The following CD55 variants were observed in gnomAD, a reference collection of about 807,000 sequenced individuals.
The protein encoded by CD55 is complement decay-accelerating factor.
In CD55, 41 loss-of-function variants were observed where a neutral mutation model predicts 45.8. That is an observed-to-expected ratio of 0.90 (90% CI 0.70 to 1.16). The LOEUF (loss-of-function observed/expected upper bound fraction) is 1.16, where lower values mean the gene tolerates loss of function less well. Among genes scored for constraint, CD55 ranks in the 50% most tolerant of loss-of-function variants. CD55 has a pLI of 0.00. For synonymous variants in CD55, 181 were observed against 181.1 expected, an observed-to-expected ratio of 1.00 and a Z score of 0.01; for missense variants, 416 against 469.8, an observed-to-expected ratio of 0.89 and a Z score of 1.06.
At chr1:207,324,492 TA>T in intron 2 of CD55, 66 bp from the exon 3 acceptor site, 2 of 1,071,286 alleles carry the variant, frequency 1.9e-6, no homozygotes, top group Non-Finnish European at 1.3e-6. Context: ...TCCAGATAAT[TA>T]AATATAGATT....
rs1392540483 is a variant in CD55 at position 207,354,048 on chromosome 1, A to G, written c.1082-5498A>G. ...TTTTGAAGTGTCTGGGTCATCCCAC[A>G]TTTCTTCAAAAAAGATGATGTGCAT... On this transcript the variant is annotated intron_variant, in intron 9 of 9. Transcript: ENST00000367064. 6.5e-6 allele frequency: 10 copies of G among 1,535,456 alleles called. No homozygotes were observed. In the East Asian group the frequency reaches 1.2e-4, roughly 19 times the overall value.
At chr1:207,357,758 T>C (rs1656132375) in intron 9 of CD55, among the ~76,000 whole-genome samples, 1 of 152,252 alleles carries the variant, frequency 6.6e-6, no homozygotes, top group South Asian at 2.1e-4. Context: ...TTATCCTCGG[T>C]TGGGGGGCAG....
intron 9 of CD55, among the ~76,000 whole-genome samples, chr1:207,350,722 G>A (rs1655835098): frequency 6.6e-6 from 1 of 152,044 alleles, no homozygotes; most frequent in Admixed American, 6.6e-5. Context: ...ATCTGAGATT[G>A]TGTTTATTTG....
intron 9 of CD55, among the ~76,000 whole-genome samples, chr1:207,342,451 C>G (rs1467447365): frequency 6.6e-6 from 1 of 152,020 alleles, no homozygotes; most frequent in Non-Finnish European, 1.5e-5. Flanking sequence ...CATGTATGAC[C>G]TTTATGATGT....
At chr1:207,350,609 C>T (rs540437582) in intron 9 of CD55, among the ~76,000 whole-genome samples, 2 of 152,032 alleles carry the variant, frequency 1.3e-5, no homozygotes, top group Non-Finnish European at 2.9e-5. Context: ...CAAGAATTTA[C>T]CATTTCTTCT....
rs546424133 is a variant in CD55 at position 207,355,225 on chromosome 1, T to C, written c.1082-4321T>C. Among the ~76,000 whole-genome samples, 528 of 152,002 alleles carry C rather than the reference T, an allele frequency of 3.5e-3. 4 individuals are homozygous for C. Among genetic ancestry groups the C allele is most frequent in the African/African-American group, 0.012 (485 of 41,468 alleles). On this transcript the variant is annotated intron_variant, in intron 9 of 9. Transcript: ENST00000367064. ...TTTGCTGATTTGGAGCCAAATACAC[T>C]CATTAGTCACGTTAGATTCAGTTAC...
At chr1:207,329,836 T>A (rs539135326) in intron 5 of CD55, among the ~76,000 whole-genome samples, 10 of 152,212 alleles carry the variant, frequency 6.6e-5, no homozygotes, top group Non-Finnish European at 1.5e-4. Flanking sequence ...GGTCTCGAAC[T>A]CCTGGGCTCA....
chr1:207,325,862 T>C (rs548922623), intron 4 of CD55, 141 bp downstream of exon 4: 2 of 460,564 alleles, frequency 4.3e-6, no homozygotes, highest in Non-Finnish European at 7.8e-6. Context: ...CCCTTCATCA[T>C]GAGCTCATCA....
intron 2 of CD55, 79 bp from the exon 3 acceptor site, chr1:207,324,480 G>C: frequency 1.1e-6 from 1 of 882,282 alleles, no homozygotes; most frequent in Non-Finnish European, 1.7e-6. Context: ...GGGTTATTAG[G>C]GTCCAGATAA....
intron 9 of CD55, chr1:207,358,563 A>C (rs1558161221): frequency 6.6e-6 from 1 of 152,168 alleles, no homozygotes. Flanking sequence ...GTTGTGTTTG[A>C]CCATTTAAGT....
chr1:207,326,767 C>T lies in CD55; in HGVS notation c.594C>T (p.Gly198=). Residue 198 remains glycine (G), a synonymous_variant, in exon 5 of 10, where the codon GGC becomes GGT. Coordinates refer to ENST00000367064, the MANE Select transcript of CD55 (RefSeq NM_000574.5). ...GTTGCTTTAGGTACAAATTATTTGGCTCGACTTCTAGTTTTTGTCTTATTT... is the reference window on the plus strand; with the variant it reads ...GTTGCTTTAGGTACAAATTATTTGGTTCGACTTCTAGTTTTTGTCTTATTT... ...FSCNTGYKLF[G]STSSFCLISG... is the part of the protein sequence containing the mutation. The T allele has an allele frequency of 6.2e-7, 1 of 1,613,516 alleles. No homozygotes were observed. Among genetic ancestry groups the T allele is most frequent in the Non-Finnish European group, 8.5e-7 (1 of 1,179,598 alleles).
At chr1:207,322,816 A>G (rs891453857) in intron 2 of CD55, among the ~76,000 whole-genome samples, 3 of 152,230 alleles carry the variant, frequency 2.0e-5, no homozygotes, top group Non-Finnish European at 4.4e-5. Context: ...AAAATAAACA[A>G]TAGGTATTGT....
At chr1:207,336,942 C>A in intron 7 of CD55, 124 bp downstream of exon 7, 2 of 1,101,122 alleles carry the variant, frequency 1.8e-6, no homozygotes, top group Non-Finnish European at 1.4e-6. Context: ...ACACCAACAC[C>A]TTAGAAACCC....
At chr1:207,352,019 T>C (rs1180311421) in intron 9 of CD55, among the ~76,000 whole-genome samples, 2 of 152,150 alleles carry the variant, frequency 1.3e-5, no homozygotes, top group Non-Finnish European at 2.9e-5. Flanking sequence ...ATAAATTAAC[T>C]CTACTGCAAG....
intron 9 of CD55, among the ~76,000 whole-genome samples, chr1:207,346,636 G>T (rs1158927795): frequency 6.6e-6 from 1 of 152,188 alleles, no homozygotes; most frequent in Non-Finnish European, 1.5e-5. Flanking sequence ...TGTCCTCAGG[G>T]AACCAGAAAA....
chr1:207,340,121 A>G (rs1361948496), intron 9 of CD55, among the ~76,000 whole-genome samples: 4 of 152,026 alleles, frequency 2.6e-5, no homozygotes, highest in Middle Eastern at 3.4e-3. Context: ...CCTCCCTCCT[A>G]CTCACACACT....
At chr1:207,357,746 G>A (rs1656131510) in intron 9 of CD55, among the ~76,000 whole-genome samples, 1 of 152,088 alleles carries the variant, frequency 6.6e-6, no homozygotes, top group Admixed American at 6.5e-5. Context: ...AGTAATTTCT[G>A]CTTATCCTCG....
At chr1:207,322,145 G>C (rs1654440686) in intron 1 of CD55, 2 of 660,758 alleles carry the variant, frequency 3.0e-6, no homozygotes, top group Non-Finnish European at 5.6e-6. Flanking sequence ...AATCGAAAGG[G>C]AGGGCTCAAA....
chr1:207,326,719 A>G (rs1404326052), intron 4 of CD55, 33 bp from the exon 5 acceptor site: 2 of 1,522,314 alleles, frequency 1.3e-6, no homozygotes, highest in South Asian at 1.1e-5. Flanking sequence ...GTGTGAATGT[A>G]ACAAACTCTT....
Sources: allele counts gnomAD v4.1 joint callset (sites outside exome capture counted in the v4.1 genomes callset), GRCh38; gene constraint gnomAD v4.1.1; transcripts MANE v1.5; gene names NCBI Gene and HGNC (gene_info 2026-07-23, HGNC 2026-07-21).